The following SLC26A4 variants were observed in gnomAD, a reference collection of about 807,000 sequenced individuals.
SLC26A4 encodes the protein solute carrier family 26 member 4, also known as pendrin.
In SLC26A4, 93 loss-of-function variants were observed where a neutral mutation model predicts 90.4. The observed-to-expected ratio is 1.03, with a 90% confidence interval of 0.87 to 1.22. SLC26A4 has a LOEUF of 1.22. Among genes scored for constraint, SLC26A4 ranks in the 50% most tolerant of loss-of-function variants. The probability of loss-of-function intolerance (pLI) is 0.00; values close to 1 mark genes in which losing one functional copy is unlikely to be tolerated. For synonymous variants in SLC26A4, 393 were observed against 354.6 expected, an observed-to-expected ratio of 1.11 and a Z score of -1.22; for missense variants, 1,127 against 946.2, an observed-to-expected ratio of 1.19 and a Z score of -2.51.
intron 3 of SLC26A4, among the ~76,000 whole-genome samples, chr7:107,665,866 T>C (rs1317189526): frequency 6.6e-6 from 1 of 152,208 alleles, no homozygotes; most frequent in Admixed American, 6.5e-5. Context: ...CCGGTGTCTA[T>C]TGTGTAGTTC....
At chr7:107,713,023 A>G (rs1178060636) in intron 20 of SLC26A4, among the ~76,000 whole-genome samples, 1 of 152,236 alleles carries the variant, frequency 6.6e-6, no homozygotes, top group African/African-American at 2.4e-5. Context: ...CTTCCTTCAT[A>G]TGACTGATAA....
intron 2 of SLC26A4, among the ~76,000 whole-genome samples, chr7:107,662,843 T>G (rs935255303): frequency 6.6e-6 from 1 of 152,200 alleles, no homozygotes; most frequent in Non-Finnish European, 1.5e-5. Context: ...AGGTATACAT[T>G]CCTCATGCTA....
At chr7:107,704,427 G>T in intron 18 of SLC26A4, 42 bp downstream of exon 18, 1 of 882,220 alleles carries the variant, frequency 1.1e-6, no homozygotes, top group Non-Finnish European at 1.9e-6. Flanking sequence ...AGACTTTCCC[G>T]TAAGCCCTTT....
Position 107,702,001 on chromosome 7 carries a change from C to T in SLC26A4, c.1978C>T (p.Leu660Phe). Reference sequence around the variant, plus strand: ...CAAAGTGCCAATCCATAGCCTTGTGCTTGACTGTGGAGCTATATCTTTCCT... The same window carrying T: ...CAAAGTGCCAATCCATAGCCTTGTGTTTGACTGTGGAGCTATATCTTTCCT... ...VPKVPIHSLV[L>F]DCGAISFLDV... Residue 660 changes from leucine to phenylalanine, a missense_variant, in exon 17 of 21, where the codon CTT (leucine) becomes TTT (phenylalanine). Coordinates refer to ENST00000644269, the MANE Select transcript of SLC26A4 (RefSeq NM_000441.2). 1 of 1,614,038 alleles carries T rather than the reference C, an allele frequency of 6.2e-7. No homozygotes were observed. Among genetic ancestry groups the T allele is most frequent in the Non-Finnish European group, 8.5e-7 (1 of 1,179,938 alleles).
At chr7:107,711,691 G>A (rs1295309469) in intron 19 of SLC26A4, among the ~76,000 whole-genome samples, 1 of 152,180 alleles carries the variant, frequency 6.6e-6, no homozygotes, top group South Asian at 2.1e-4. Context: ...CTTCAAGAGG[G>A]AGTCCCTCTG....
intron 20 of SLC26A4, 106 bp downstream of exon 20, chr7:107,712,728 C>T (rs2129320441): frequency 1.4e-6 from 1 of 732,850 alleles, no homozygotes; most frequent in Non-Finnish European, 2.5e-6. Context: ...GAACATAATT[C>T]CCCCAAATGC....
At chr7:107,693,426 T>G (rs1283971573) in intron 10 of SLC26A4, 7 of 985,340 alleles carry the variant, frequency 7.1e-6, no homozygotes, top group Non-Finnish European at 8.4e-6. Context: ...ATATTTGCTG[T>G]GTCTGTCTCC....
chr7:107,711,420 A>T (rs1227971946), intron 19 of SLC26A4, among the ~76,000 whole-genome samples: 1 of 152,182 alleles, frequency 6.6e-6, no homozygotes, highest in East Asian at 1.9e-4. Flanking sequence ...AAAAACCACT[A>T]ACCAAGAGTG....
intron 3 of SLC26A4, among the ~76,000 whole-genome samples, chr7:107,667,781 T>G (rs1237678100): frequency 6.6e-6 from 1 of 152,102 alleles, no homozygotes; most frequent in East Asian, 1.9e-4. Context: ...CTAGGAGAAC[T>G]ACTCCTTAAA....
intron 13 of SLC26A4, 89 bp from the exon 14 acceptor site, chr7:107,697,953 A>G: frequency 1.2e-6 from 1 of 816,336 alleles, no homozygotes; most frequent in East Asian, 2.5e-5. Flanking sequence ...CACCAGAATG[A>G]TGGGCTCTTT....
chr7:107,683,458 A>G lies in SLC26A4; in HGVS notation c.922A>G (p.Ile308Val). 6.2e-7 allele frequency: 1 copy of G among 1,613,822 alleles called. No homozygotes were observed. The highest frequency in any genetic ancestry group is 8.5e-7 in the Non-Finnish European group (1 of 1,179,756). ...VPIPIEVIVT[I>V]IATAISYGAN... is the part of the protein sequence containing the mutation. The stretch of plus-strand genomic sequence containing the variant: ...AACATCTTTTGTTTTATTTCAGACG[A>G]TAATTGCTACTGCCATTTCATATGG... Residue 308 changes from isoleucine (I) to valine (V), a missense_variant, in exon 8 of 21, where the codon ATA becomes GTA. Physicochemically the swap from Ile to Val is conservative, Grantham distance 29 (BLOSUM62 3). Transcript: ENST00000644269.
intron 18 of SLC26A4, among the ~76,000 whole-genome samples, chr7:107,707,244 G>A (rs1439552447): frequency 6.6e-6 from 1 of 152,168 alleles, no homozygotes; most frequent in Admixed American, 6.5e-5. Context: ...AACCAGCAAT[G>A]TTTCAAATAA....
intron 14 of SLC26A4, 79 bp from the exon 15 acceptor site, chr7:107,700,004 C>T (rs1791841417): frequency 1.1e-6 from 1 of 870,016 alleles, no homozygotes; most frequent in Non-Finnish European, 2.0e-6. Context: ...GACTTGACTC[C>T]TTGCTAAGTA....
chr7:107,661,632 C>T lies in SLC26A4; in HGVS notation c.-3-7C>T. ...GTCCTCCCTCCTCGCTGTCCTCTGG[C>T]TCGCAGGTCATGGCAGCGCCAGGCG... On this transcript the variant is annotated splice_region_variant and splice_polypyrimidine_tract_variant and intron_variant, in intron 1 of 20. Coordinates refer to ENST00000644269, the MANE Select transcript of SLC26A4 (RefSeq NM_000441.2). The surrounding 1 kb of genome is among the most constrained non-coding windows in gnomAD (Gnocchi z 5.1). 6.4e-7 allele frequency: 1 copy of T among 1,556,788 alleles called. No individual in the cohort carries two copies. Among genetic ancestry groups the T allele is most frequent in the Non-Finnish European group, 8.6e-7 (1 of 1,156,262 alleles).
At chr7:107,695,823 A>G (rs867978326) in intron 12 of SLC26A4, 110 bp from the exon 13 acceptor site, 17 of 776,638 alleles carry the variant, frequency 2.2e-5, no homozygotes, top group Non-Finnish European at 4.0e-5. Context: ...AAAAGAAAAA[A>G]AAAAATGTAA....
chr7:107,709,091 G>A (rs1279349555), intron 18 of SLC26A4, among the ~76,000 whole-genome samples: 1 of 152,166 alleles, frequency 6.6e-6, no homozygotes, highest in African/African-American at 2.4e-5. Flanking sequence ...GGAAGAAGCT[G>A]ATCAAAGACA....
In SLC26A4 at chr7:107,663,331, C is replaced by G. The variant is rs111033240; in HGVS notation, c.200C>G (p.Thr67Ser). ...AAGAGAGCCTTTGGTGTGCTAAAGA[C>G]TCTTGTGCCCATCTTGGAGTGGCTC... ...SRKRAFGVLK[T>S]LVPILEWLPK... The change falls in exon 3 of 21, where the codon ACT (threonine) becomes AGT (serine). Residue 67 changes from threonine to serine, a missense_variant. Transcript: ENST00000644269. 15 of 1,614,176 alleles carry G rather than the reference C, an allele frequency of 9.3e-6. No homozygotes were observed. Among genetic ancestry groups the G allele is most frequent in the East Asian group, 8.9e-5 (4 of 44,890 alleles).
At position 107,683,318 on chromosome 7, in the gene SLC26A4, C is replaced by A; in HGVS notation, c.882C>A (p.His294Gln). The A allele has an allele frequency of 2.5e-6, 4 of 1,613,692 alleles. No homozygotes were observed. The highest frequency in any genetic ancestry group is 3.4e-6 in the Non-Finnish European group (4 of 1,179,724). The change falls in exon 7 of 21, where the codon CAC (histidine) becomes CAA (glutamine). Residue 294 changes from histidine (H) to glutamine (Q), a missense_variant. Transcript: ENST00000644269. ...AGGAATTAAATGATCGGTTTAGACA[C>A]AAAATCCCAGTCCCTATTCCTATAG... Reference protein sequence around the residue: ...AVKELNDRFRHKIPVPIPIEV... With the variant: ...AVKELNDRFRQKIPVPIPIEV...
intron 18 of SLC26A4, among the ~76,000 whole-genome samples, chr7:107,706,343 G>A (rs1792037570): frequency 6.6e-6 from 1 of 152,308 alleles, no homozygotes. Flanking sequence ...AGCTACTTGG[G>A]AGGCTGAGGT....
Sources: gnomAD v4.1 joint callset for allele counts (sites outside exome capture counted in the v4.1 genomes callset) on GRCh38, gnomAD v4.1.1 for gene constraint, Gnocchi (gnomAD v3.1) non-coding constraint, MANE v1.5 for transcripts, NCBI Gene and HGNC (gene_info 2026-07-23, HGNC 2026-07-21) for gene names.